The following DIP2C variants were observed in gnomAD, a reference collection of about 807,000 sequenced individuals.
DIP2C encodes the protein DIP2 acetate--CoA ligase C (putative).
DIP2C carries 33 observed loss-of-function variants against 192.4 expected under a neutral mutation model. That is an observed-to-expected ratio of 0.17 (90% CI 0.13 to 0.23). The LOEUF is 0.23. DIP2C is among the 10% of genes least tolerant of loss of function. The probability of loss-of-function intolerance (pLI) is 1.00; values close to 1 mark genes in which losing one functional copy is unlikely to be tolerated. For synonymous variants in DIP2C, 979 were observed against 864.1 expected, an observed-to-expected ratio of 1.13 and a Z score of -2.33; for missense variants, 1,537 against 2,110.1, an observed-to-expected ratio of 0.73 and a Z score of 5.32.
intron 3 of DIP2C, among the ~76,000 whole-genome samples, chr10:454,303 TTAGA>T (rs994723829): frequency 4.2e-5 from 6 of 141,216 alleles, no homozygotes; most frequent in Admixed American, 2.0e-4. Flanking sequence ...ATTTATAGTG[TTAGA>T]TAAATTGGTT....
intron 4 of DIP2C, among the ~76,000 whole-genome samples, chr10:424,851 G>A (rs1177860624): frequency 6.6e-6 from 1 of 152,172 alleles, no homozygotes; most frequent in African/African-American, 2.4e-5. Context: ...GAAACCTGAA[G>A]GATAATATGA....
chr10:560,125 T>C (rs546213119), intron 1 of DIP2C, among the ~76,000 whole-genome samples: 1 of 151,958 alleles, frequency 6.6e-6, no homozygotes, highest in Non-Finnish European at 1.5e-5. Flanking sequence ...CAATCATGAT[T>C]TTAGAAACTG....
chr10:494,729 G>A (rs770221682), intron 1 of DIP2C, among the ~76,000 whole-genome samples: 2 of 152,202 alleles, frequency 1.3e-5, no homozygotes, highest in South Asian at 2.1e-4. Flanking sequence ...GATCAGAAAC[G>A]TAAATTCTGC....
intron 1 of DIP2C, among the ~76,000 whole-genome samples, chr10:625,797 G>A (rs1171035324): frequency 3.9e-5 from 6 of 152,178 alleles, no homozygotes; most frequent in Non-Finnish European, 2.9e-5. Context: ...AGGTAAAGAA[G>A]TAACCTGAAA....
At chr10:579,204 GCATA>G (rs1345191382) in intron 1 of DIP2C, among the ~76,000 whole-genome samples, 4 of 152,078 alleles carry the variant, frequency 2.6e-5, no homozygotes, top group African/African-American at 4.8e-5. Context: ...CATGCATAGA[GCATA>G]CACACATCCA....
At chr10:477,023 C>CA (rs60144762) in intron 2 of DIP2C, among the ~76,000 whole-genome samples, 149,899 of 149,918 alleles carry the variant, frequency 1, 74,940 homozygotes, top group Middle Eastern at 1. Context: ...CATTTAAATC[C>CA]AAACGTCAGT....
At chr10:420,855 G>A (rs1477258504) in intron 5 of DIP2C, among the ~76,000 whole-genome samples, 1 of 152,180 alleles carries the variant, frequency 6.6e-6, no homozygotes, top group Non-Finnish European at 1.5e-5. Flanking sequence ...AGCCTCTGCA[G>A]CCTCCACTTC....
At chr10:549,165 C>T (rs777786712) in intron 1 of DIP2C, among the ~76,000 whole-genome samples, 1 of 152,130 alleles carries the variant, frequency 6.6e-6, no homozygotes, top group Non-Finnish European at 1.5e-5. Context: ...GCAAAATTCA[C>T]GTTCAAATTC....
At chr10:373,939 C>T (rs953265621) in intron 17 of DIP2C, among the ~76,000 whole-genome samples, 9 of 152,322 alleles carry the variant, frequency 5.9e-5, no homozygotes, top group African/African-American at 1.4e-4. Flanking sequence ...CCTCCATACT[C>T]GCAATAGCCC....
intron 1 of DIP2C, among the ~76,000 whole-genome samples, chr10:644,518 C>A (rs1014527024): frequency 2.6e-5 from 4 of 152,294 alleles, no homozygotes; most frequent in Non-Finnish European, 5.9e-5. Flanking sequence ...GCAACACGGC[C>A]CGCCGTAGAG....
At chr10:525,274 T>A (rs1374511944) in intron 1 of DIP2C, among the ~76,000 whole-genome samples, 3 of 152,184 alleles carry the variant, frequency 2.0e-5, no homozygotes, top group African/African-American at 7.2e-5. Context: ...ACTTCAGCAA[T>A]TTCCAAGTCA....
At chr10:548,613 G>A (rs1848428012) in intron 1 of DIP2C, among the ~76,000 whole-genome samples, 1 of 150,390 alleles carries the variant, frequency 6.6e-6, no homozygotes, top group Non-Finnish European at 1.5e-5. Flanking sequence ...AGGGTTATGG[G>A]GGTGACATGG....
At chr10:477,852 G>T (rs116561110) in intron 2 of DIP2C, among the ~76,000 whole-genome samples, 2 of 135,254 alleles carry the variant, frequency 1.5e-5, no homozygotes, top group South Asian at 2.6e-4. Flanking sequence ...GAAAAAAGGA[G>T]AAGTGAAGGA....
intron 1 of DIP2C, among the ~76,000 whole-genome samples, chr10:642,925 C>T (rs1051237820): frequency 1.3e-5 from 2 of 152,236 alleles, no homozygotes; most frequent in South Asian, 2.1e-4. Flanking sequence ...AACACAGGGC[C>T]GGGCACGGTG....
At chr10:465,628 T>C (rs1308990246) in intron 3 of DIP2C, among the ~76,000 whole-genome samples, 2 of 152,034 alleles carry the variant, frequency 1.3e-5, no homozygotes, top group East Asian at 1.9e-4. Context: ...TGATTGTTTA[T>C]CTAGAAAACC....
rs1228717122 is a variant in DIP2C at position 408,838 on chromosome 10, C to T, written c.1149+88G>A. ...GCTTTCCAATAGAAAGTGGAGGTGG[C>T]GCTGAACTCTGTAATGTTTAAACAG... On this transcript the variant is annotated intron_variant, in intron 9 of 36. Transcript: ENST00000280886. The T allele has an allele frequency of 3.0e-5, 39 of 1,309,846 alleles. No homozygotes were observed. The Admixed American group carries it at 4.7e-4, about 16-fold the overall frequency. The allele number at this position is 1,309,846 out of a possible 1,614,324, so 81.1% of individuals were successfully genotyped here. A position where few individuals can be genotyped will look rare whatever the true frequency, so the allele number is the denominator to read the frequency against.
chr10:556,112 G>A lies in DIP2C; in HGVS notation c.86-69582C>T, dbSNP rs376041390. ...CCCCCCCTTCCATAGCCGGATCCCC[G>A]GACAGCAACCACCCACCCCCTTCCA... On this transcript the variant is annotated intron_variant, in intron 1 of 36. Coordinates refer to ENST00000280886, the MANE Select transcript of DIP2C (RefSeq NM_014974.3). Among the ~76,000 whole-genome samples, 50 of 46,324 alleles carry A rather than the reference G, an allele frequency of 1.1e-3. 1 individual carries two copies. Among genetic ancestry groups the A allele is most frequent in the African/African-American group, 5.0e-3 (50 of 9,950 alleles). The allele number at this position is 46,324 out of a possible 152,430, so 30.4% of individuals were successfully genotyped here.
intron 4 of DIP2C, among the ~76,000 whole-genome samples, chr10:434,918 G>A (rs1004426059): frequency 9.2e-5 from 14 of 152,124 alleles, no homozygotes; most frequent in African/African-American, 9.7e-5. Context: ...TTGATTCGCC[G>A]TAGTTTGAAA....
At chr10:545,166 C>T (rs1245375718) in intron 1 of DIP2C, among the ~76,000 whole-genome samples, 67 of 86,350 alleles carry the variant, frequency 7.8e-4, no homozygotes, top group African/African-American at 3.2e-3. Context: ...GGTGTTTTCC[C>T]TTTTTTTTTT....
Sources: allele counts gnomAD v4.1 joint callset (sites outside exome capture counted in the v4.1 genomes callset), GRCh38; gene constraint gnomAD v4.1.1; transcripts MANE v1.5; gene names NCBI Gene and HGNC (gene_info 2026-07-23, HGNC 2026-07-21).